Variants in PRDM16 observed in about 807,000 individuals in gnomAD.
PRDM16 encodes histone-lysine N-methyltransferase PRDM16.
A neutral mutation model predicts 110.6 loss-of-function variants in PRDM16; 23 were observed. The observed-to-expected ratio is 0.21, with a 90% CI of 0.15 to 0.29. PRDM16 has a LOEUF of 0.29. PRDM16 is among the 10% of genes least tolerant of loss of function. The probability of loss-of-function intolerance (pLI) is 1.00; values close to 1 mark genes in which losing one functional copy is unlikely to be tolerated. For missense variants in PRDM16, 1,615 were observed against 1,794.3 expected (o/e 0.90, Z 1.81); for synonymous variants, 799 against 781.8 (o/e 1.02, Z -0.37).
chr1:3,123,989 G>C (rs887812985), intron 1 of PRDM16, among the ~76,000 whole-genome samples: 1 of 152,220 alleles, frequency 6.6e-6, no homozygotes, highest in Non-Finnish European at 1.5e-5. Flanking sequence ...CGTATGGTGG[G>C]CGTCCGAGTC....
intron 3 of PRDM16, among the ~76,000 whole-genome samples, chr1:3,287,830 G>C (rs957946830): frequency 4.0e-5 from 6 of 151,390 alleles, no homozygotes; most frequent in Non-Finnish European, 7.4e-5. Context: ...TGCATTTACC[G>C]GGACTGCAGC....
intron 3 of PRDM16, among the ~76,000 whole-genome samples, chr1:3,247,780 G>A (rs4648375): frequency 0.027 from 4,056 of 152,332 alleles, 279 homozygotes; most frequent in East Asian, 0.22. Flanking sequence ...CTGGGCGCGC[G>A]TCACCGGCGC....
At chr1:3,397,652 C>G (rs528065944) in intron 5 of PRDM16, among the ~76,000 whole-genome samples, 1 of 152,382 alleles carries the variant, frequency 6.6e-6, no homozygotes, top group African/African-American at 2.4e-5. Context: ...CCGTTTCCGG[C>G]GCTGGTGATT....
chr1:3,179,819 C>G (rs1254086888), intron 1 of PRDM16, among the ~76,000 whole-genome samples: 1 of 152,224 alleles, frequency 6.6e-6, no homozygotes, highest in African/African-American at 2.4e-5. Context: ...ACAAGCTTTT[C>G]TGGTTAGAGA....
At chr1:3,125,410 C>G (rs1306940621) in intron 1 of PRDM16, among the ~76,000 whole-genome samples, 5 of 152,222 alleles carry the variant, frequency 3.3e-5, no homozygotes. Flanking sequence ...TCTCCTCTGA[C>G]CCCCCAGAGT....
intron 10 of PRDM16, 130 bp from the exon 11 acceptor site, chr1:3,417,698 G>A: frequency 1.3e-6 from 1 of 786,860 alleles, no homozygotes; most frequent in Non-Finnish European, 2.2e-6. Flanking sequence ...AAAATACTAG[G>A]AGACCATTGC....
chr1:3,402,822 C>T lies in PRDM16; in HGVS notation c.708C>T (p.Asp236=), dbSNP rs1270070289. The part of the protein sequence containing the change: ...EEPTFRCDEC[D]ELFQSKLDLR... ...CCACGTTCCGCTGTGACGAGTGTGA[C>T]GAACTCTTCCAGTCCAAGCTGGACC... The change falls in exon 6 of 17, where the codon GAC becomes GAT. Residue 236 remains aspartate, a synonymous_variant. Transcript: ENST00000270722. The T allele has an allele frequency of 9.3e-6, 15 of 1,612,570 alleles. No individual in the cohort carries two copies. The highest frequency in any genetic ancestry group is 2.2e-5 in the East Asian group (1 of 44,868).
At chr1:3,363,934 C>T (rs1003934851) in intron 3 of PRDM16, among the ~76,000 whole-genome samples, 3 of 152,194 alleles carry the variant, frequency 2.0e-5, no homozygotes, top group Admixed American at 6.5e-5. Context: ...GCTACGCACA[C>T]CTCAGCCCTT....
chr1:3,256,065 C>A (rs1315894882), intron 3 of PRDM16, among the ~76,000 whole-genome samples: 1 of 152,216 alleles, frequency 6.6e-6, no homozygotes, highest in Non-Finnish European at 1.5e-5. Context: ...CAGCTCAGGC[C>A]ACCCCTTGCT....
intron 4 of PRDM16, among the ~76,000 whole-genome samples, chr1:3,392,988 CATT>C (rs556157946): frequency 7.9e-5 from 12 of 152,228 alleles, no homozygotes; most frequent in Admixed American, 1.3e-4. Context: ...TCAGTCAAGT[CATT>C]GTTGTTACAA....
At chr1:3,158,915 G>A (rs543670111) in intron 1 of PRDM16, among the ~76,000 whole-genome samples, 7 of 152,006 alleles carry the variant, frequency 4.6e-5, no homozygotes, top group African/African-American at 1.4e-4. Flanking sequence ...GCTGGAAGGC[G>A]CCTGCCACCA....
Position 3,412,708 on chromosome 1 carries a change from G to C in PRDM16, c.2511G>C (p.Glu837Asp), listed in dbSNP as rs1223606621. 1 of 1,498,026 alleles carries C rather than the reference G, an allele frequency of 6.7e-7. No homozygotes were observed. Among genetic ancestry groups the C allele is most frequent in the East Asian group, 2.5e-5 (1 of 40,170 alleles). The allele number at this position is 1,498,026 out of a possible 1,614,324, so 92.8% of individuals were successfully genotyped here. A position where few individuals can be genotyped will look rare whatever the true frequency, so the allele number is the denominator to read the frequency against. ...VYGERKLGAG[E>D]GLPQVCPARM... Reference sequence around the variant, plus strand: ...GGGAACGCAAGCTGGGCGCCGGCGAGGGGCTGCCCCAGGTGTGCCCGGCGC... The same window carrying C: ...GGGAACGCAAGCTGGGCGCCGGCGACGGGCTGCCCCAGGTGTGCCCGGCGC... Residue 837 changes from glutamate to aspartate, a missense_variant, in exon 9 of 17, where the codon GAG becomes GAC. Physicochemically the swap from Glu to Asp is conservative, Grantham distance 45. Transcript: ENST00000270722.
At chr1:3,278,585 C>G (rs1217989560) in intron 3 of PRDM16, among the ~76,000 whole-genome samples, 1 of 152,216 alleles carries the variant, frequency 6.6e-6, no homozygotes, top group East Asian at 1.9e-4. Flanking sequence ...GCCCTGGAAC[C>G]TCAGCCGCAC....
At chr1:3,326,808 G>A (rs1641923142) in intron 3 of PRDM16, among the ~76,000 whole-genome samples, 1 of 152,234 alleles carries the variant, frequency 6.6e-6, no homozygotes, top group African/African-American at 2.4e-5. Context: ...TGACAGCAGG[G>A]GGAGGCCGCT....
chr1:3,372,165 G>A (rs770328826), intron 3 of PRDM16, among the ~76,000 whole-genome samples: 7 of 152,208 alleles, frequency 4.6e-5, no homozygotes, highest in South Asian at 2.1e-4. Flanking sequence ...ACCAACCAAC[G>A]GGGAAGAGCT....
rs762083927 is a variant in PRDM16 at position 3,350,103 on chromosome 1, C to T, written c.439-35049C>T. Among the ~76,000 whole-genome samples the T allele has an allele frequency of 2.0e-4, 31 of 152,254 alleles. No homozygotes were observed. Among genetic ancestry groups the T allele is most frequent in the Admixed American group, 3.9e-4 (6 of 15,292 alleles). On this transcript the variant is annotated intron_variant, in intron 3 of 16. Transcript: ENST00000270722. The surrounding 1 kb of genome is among the most constrained non-coding windows in gnomAD (Gnocchi z 7.1). ...ATCCCAGCACCTTGGGAGGCCAAGG[C>T]GGGAGGAAGCCCAGAAGTTTGAGGC...
intron 1 of PRDM16, among the ~76,000 whole-genome samples, chr1:3,165,476 G>A (rs1300413301): frequency 1.4e-5 from 1 of 72,338 alleles, no homozygotes; most frequent in Non-Finnish European, 2.6e-5. Flanking sequence ...TGGGCTCAGG[G>A]ACAGTGACTC....
At chr1:3,092,290 C>G (rs1050995413) in intron 1 of PRDM16, among the ~76,000 whole-genome samples, 2 of 145,158 alleles carry the variant, frequency 1.4e-5, no homozygotes, top group Non-Finnish European at 3.0e-5. Flanking sequence ...GGCTGCTCTT[C>G]GTGAGTCCCG....
chr1:3,249,447 G>T (rs547516592), intron 3 of PRDM16, among the ~76,000 whole-genome samples: 1 of 151,640 alleles, frequency 6.6e-6, no homozygotes, highest in Non-Finnish European at 1.5e-5. Context: ...GGTTCAGACC[G>T]CCTTTTCCCG....
Sources: gnomAD v4.1 joint callset for allele counts (sites outside exome capture counted in the v4.1 genomes callset) on GRCh38, gnomAD v4.1.1 for gene constraint, Gnocchi (gnomAD v3.1) non-coding constraint, MANE v1.5 for transcripts, NCBI Gene and HGNC (gene_info 2026-07-23, HGNC 2026-07-21) for gene names.